The following MSH4 variants were observed in gnomAD, a reference collection of about 807,000 sequenced individuals.
MSH4 encodes the protein mutS homolog 4.
In MSH4, 106 loss-of-function variants were observed where a neutral mutation model predicts 113.7. The ratio of observed to expected loss-of-function variants is 0.93; its 90% CI spans 0.80 to 1.10. The LOEUF is 1.10. Ranked by LOEUF, MSH4 falls within the 50% of genes least tolerant of loss-of-function variation. The probability of loss-of-function intolerance (pLI) is 0.00; values close to 1 mark genes in which losing one functional copy is unlikely to be tolerated. For synonymous variants in MSH4, 368 were observed against 380.2 expected (o/e 0.97, Z 0.37); for missense variants, 1,061 against 1,093.7 (o/e 0.97, Z 0.42).
intron 15 of MSH4, among the ~76,000 whole-genome samples, chr1:75,885,023 A>ATGTGTGTG (rs764938661): frequency 4.1e-5 from 5 of 122,214 alleles, no homozygotes; most frequent in African/African-American, 1.4e-4. Flanking sequence ...GTGTGTATAT[A>ATGTGTGTG]TATATATGTG....
intron 8 of MSH4, among the ~76,000 whole-genome samples, chr1:75,861,501 TTC>T (rs1340940834): frequency 6.6e-6 from 1 of 152,226 alleles, no homozygotes; most frequent in African/African-American, 2.4e-5. Flanking sequence ...TTTGTTAGTT[TTC>T]TTTCTAACAG....
intron 19 of MSH4, among the ~76,000 whole-genome samples, chr1:75,901,608 G>A (rs1283309371): frequency 1.3e-5 from 2 of 152,102 alleles, no homozygotes; most frequent in Non-Finnish European, 2.9e-5. Context: ...GAATAGTGCT[G>A]CAATAAACGT....
intron 1 of MSH4, 67 bp from the exon 2 acceptor site, chr1:75,803,664 A>T: frequency 1.8e-6 from 2 of 1,126,162 alleles, no homozygotes; most frequent in Non-Finnish European, 2.4e-6. Context: ...GGTATAAATT[A>T]TAATGACTAA....
At chr1:75,898,650 C>T (rs927861716) in intron 18 of MSH4, among the ~76,000 whole-genome samples, 1 of 151,968 alleles carries the variant, frequency 6.6e-6, no homozygotes, top group Non-Finnish European at 1.5e-5. Context: ...TCCCGAGTAG[C>T]TGGGACTACA....
intron 7 of MSH4, among the ~76,000 whole-genome samples, chr1:75,834,463 A>G (rs916364250): frequency 6.6e-6 from 1 of 152,254 alleles, no homozygotes; most frequent in Non-Finnish European, 1.5e-5. Flanking sequence ...TCATGCTGCT[A>G]TAAAGACACA....
intron 8 of MSH4, among the ~76,000 whole-genome samples, chr1:75,856,430 G>A (rs867017206): frequency 1.3e-5 from 2 of 151,890 alleles, no homozygotes; most frequent in African/African-American, 2.4e-5. Context: ...TAATGTTATC[G>A]CTCCCCTAGC....
intron 8 of MSH4, among the ~76,000 whole-genome samples, chr1:75,849,772 C>A (rs11161728): frequency 0.26 from 39,173 of 151,998 alleles, 6,518 homozygotes; most frequent in East Asian, 0.68. Context: ...ATTATTTCTT[C>A]CTTACATATT....
chr1:75,806,234 GGTTTT>G (rs1368459092), intron 2 of MSH4, among the ~76,000 whole-genome samples: 5 of 96,674 alleles, frequency 5.2e-5, no homozygotes, highest in Non-Finnish European at 8.3e-5. Context: ...TTTTCTGTTT[GGTTTT>G]TTTTTTTTTT....
chr1:75,863,271 G>T (rs900600917), intron 8 of MSH4, among the ~76,000 whole-genome samples: 1 of 151,822 alleles, frequency 6.6e-6, no homozygotes, highest in Non-Finnish European at 1.5e-5. Flanking sequence ...TGTTATATTT[G>T]GGTAAAAATA....
intron 7 of MSH4, among the ~76,000 whole-genome samples, chr1:75,839,448 C>T (rs917657504): frequency 6.6e-6 from 1 of 152,110 alleles, no homozygotes; most frequent in Non-Finnish European, 1.5e-5. Context: ...CTCCTGACCT[C>T]AAGTGATCCA....
At position 75,899,676 on chromosome 1, in the gene MSH4, A is replaced by G; in HGVS notation, c.2589A>G (p.Glu863=). The change falls in exon 19 of 20, where the codon GAA becomes GAG. Residue 863 remains glutamate (E), a synonymous_variant. Transcript: ENST00000263187. ...CATCAATTGTCTTGGATGCCAAGGA[A>G]ATCACAACTCAAATTACGAGACAAA... is the stretch of plus-strand genomic sequence containing the variant. The part of the protein sequence containing the change: ...LPPSIVLDAK[E]ITTQITRQIL... 1 of 1,511,710 alleles carries G rather than the reference A, an allele frequency of 6.6e-7. No homozygotes were observed. The highest frequency in any genetic ancestry group is 8.8e-7 in the Non-Finnish European group (1 of 1,138,074). 93.6% of individuals were successfully genotyped at this position (1,511,710 alleles called of 1,614,324 possible). A position where few individuals can be genotyped will look rare whatever the true frequency, so the allele number is the denominator to read the frequency against.
At chr1:75,825,026 T>A (rs1324872628) in intron 7 of MSH4, among the ~76,000 whole-genome samples, 3 of 151,310 alleles carry the variant, frequency 2.0e-5, no homozygotes, top group African/African-American at 7.3e-5. Flanking sequence ...TAAATGGGAA[T>A]AACATTGAAT....
chr1:75,907,082 T>C (rs2100596878), intron 19 of MSH4, among the ~76,000 whole-genome samples: 1 of 152,268 alleles, frequency 6.6e-6, no homozygotes, highest in African/African-American at 2.4e-5. Flanking sequence ...TCTGAATTTA[T>C]GTACTTACAT....
At chr1:75,814,392 G>T (rs764431198) in intron 4 of MSH4, among the ~76,000 whole-genome samples, 2 of 151,954 alleles carry the variant, frequency 1.3e-5, no homozygotes, top group Non-Finnish European at 2.9e-5. Flanking sequence ...TTGTACCCTG[G>T]AGTTCAAATT....
intron 7 of MSH4, among the ~76,000 whole-genome samples, chr1:75,840,111 C>T (rs547538101): frequency 1.1e-4 from 16 of 152,210 alleles, no homozygotes; most frequent in Admixed American, 7.2e-4. Context: ...GTCAATGTGG[C>T]GATTCCTCAG....
At position 75,877,007 on chromosome 1, in the gene MSH4, G is replaced by T. The variant is rs1651830916; in HGVS notation, c.1370+7G>T. The T allele has an allele frequency of 6.6e-7, 1 of 1,521,662 alleles. No individual in the cohort carries two copies. Among genetic ancestry groups the T allele is most frequent in the Non-Finnish European group, 8.9e-7 (1 of 1,128,824 alleles). The allele number at this position is 1,521,662 out of a possible 1,614,324, so 94.3% of individuals were successfully genotyped here. On this transcript the variant is annotated splice_region_variant and intron_variant, in intron 10 of 19. Transcript: ENST00000263187. ...GTTCCTTGGAAGACAAGAGGTCTTT[G>T]TCACTCAACCGTTAATAAAAAATAA...
chr1:75,889,580 A>G (rs1652204913), intron 16 of MSH4, among the ~76,000 whole-genome samples: 1 of 152,170 alleles, frequency 6.6e-6, no homozygotes, highest in South Asian at 2.1e-4. Flanking sequence ...TAAGAGAAAG[A>G]GCTAGCATTA....
intron 6 of MSH4, among the ~76,000 whole-genome samples, chr1:75,822,189 T>G (rs1424288587): frequency 6.7e-6 from 1 of 149,030 alleles, no homozygotes; most frequent in Non-Finnish European, 1.5e-5. Flanking sequence ...CTCAGGAAGC[T>G]GAGGCAGGAG....
intron 14 of MSH4, 133 bp from the exon 15 acceptor site, chr1:75,883,488 A>G (rs1651979817): frequency 1.4e-6 from 1 of 691,560 alleles, no homozygotes; most frequent in Non-Finnish European, 2.4e-6. Context: ...TTGGGATAAT[A>G]TAGTACCTTA....
Sources: allele counts gnomAD v4.1 joint callset (sites outside exome capture counted in the v4.1 genomes callset), GRCh38; gene constraint gnomAD v4.1.1; transcripts MANE v1.5; gene names NCBI Gene and HGNC (gene_info 2026-07-23, HGNC 2026-07-21).